ULK4: variants seen among roughly 807,000 people sequenced by gnomAD.
ULK4 encodes the protein unc-51 like kinase 4.
Under a neutral mutation model 160.6 loss-of-function variants are expected in ULK4, and 133 were observed. That is an observed-to-expected ratio of 0.83 (90% CI 0.72 to 0.96). The LOEUF is 0.96. Ranked by LOEUF, ULK4 falls within the 40% of genes least tolerant of loss-of-function variation. The pLI, the probability that ULK4 is intolerant of heterozygous loss-of-function variation, is 0.00. For missense variants in ULK4, 1,580 were observed against 1,499.5 expected (o/e 1.05, Z -0.89); for synonymous variants, 534 against 539.8 (o/e 0.99, Z 0.15).
chr3:41,638,766 T>C (rs1680750006), intron 30 of ULK4, among the ~76,000 whole-genome samples: 1 of 152,232 alleles, frequency 6.6e-6, no homozygotes, highest in East Asian at 1.9e-4. Flanking sequence ...GAAGATTTGC[T>C]GTTGAGACAT....
chr3:41,574,528 C>CTTTTTTTTTTTTTTTT lies in ULK4; in HGVS notation c.3121-8399_3121-8398insAAAAAAAAAAAAAAAA, dbSNP rs1559406622. 2.8e-5 allele frequency among the ~76,000 whole-genome samples: 3 copies of CTTTTTTTTTTTTTTTT among 106,286 alleles called. 1 individual carries two copies. The allele number at this position is 106,286 out of a possible 152,430, so 69.7% of individuals were successfully genotyped here. A position where few individuals can be genotyped will look rare whatever the true frequency, so the allele number is the denominator to read the frequency against. ...TCACCTCCACTACTGCTACCAGAGT[C>CTTTTTTTTTTTTTTTT]CTCTTTTTTTTTTTTTTTTTTTTTT... is the stretch of plus-strand genomic sequence containing the variant. On this transcript the variant is annotated intron_variant, in intron 31 of 36. Transcript: ENST00000301831.
At chr3:41,516,831 G>A (rs976143511) in intron 32 of ULK4, among the ~76,000 whole-genome samples, 4 of 152,160 alleles carry the variant, frequency 2.6e-5, no homozygotes, top group African/African-American at 9.6e-5. Flanking sequence ...GTGTGTAATT[G>A]GTTTGTTTGT....
At chr3:41,646,406 A>G (rs2034492506) in intron 30 of ULK4, among the ~76,000 whole-genome samples, 1 of 152,208 alleles carries the variant, frequency 6.6e-6, no homozygotes, top group Non-Finnish European at 1.5e-5. Flanking sequence ...AAAACCTGTC[A>G]GCATTTGCTT....
intron 32 of ULK4, among the ~76,000 whole-genome samples, chr3:41,524,816 T>C (rs931345083): frequency 6.6e-6 from 1 of 152,106 alleles, no homozygotes; most frequent in African/African-American, 2.4e-5. Flanking sequence ...CACGTGCCTG[T>C]AGTCCAAGCT....
rs184317932 is a variant in ULK4, at chr3:41,713,047, G to A, written c.2634+2190C>T. Among the ~76,000 whole-genome samples, 170 of 150,650 alleles carry A rather than the reference G, an allele frequency of 1.1e-3. 3 individuals carry two copies. In the East Asian group the frequency reaches 0.029, roughly 26 times the overall value. ...TGTTCTGTGGATTGGGCTACAGAACGTTCATAACTATGCATCCCCACCACT... is the reference window on the plus strand; with the variant it reads ...TGTTCTGTGGATTGGGCTACAGAACATTCATAACTATGCATCCCCACCACT... On this transcript the variant is annotated intron_variant, in intron 25 of 36. Coordinates refer to ENST00000301831, the MANE Select transcript of ULK4 (RefSeq NM_017886.4).
intron 18 of ULK4, among the ~76,000 whole-genome samples, chr3:41,833,286 GTTTTTTTTTTT>G (rs767254673): frequency 3.7e-5 from 4 of 109,518 alleles, no homozygotes; most frequent in African/African-American, 9.5e-5. Flanking sequence ...TTTTTTTTTT[GTTTTTTTTTTT>G]TTTGTTTGTT....
chr3:41,612,465 T>A (rs2032731857), intron 31 of ULK4, among the ~76,000 whole-genome samples: 1 of 152,150 alleles, frequency 6.6e-6, no homozygotes. Context: ...CACATCACTC[T>A]CTCCCTGCAA....
intron 32 of ULK4, among the ~76,000 whole-genome samples, chr3:41,475,582 T>G (rs1318454755): frequency 6.6e-6 from 1 of 152,140 alleles, no homozygotes; most frequent in Non-Finnish European, 1.5e-5. Context: ...CAATATCACT[T>G]TGTACCCCAT....
At chr3:41,558,158 T>C (rs979903902) in intron 32 of ULK4, among the ~76,000 whole-genome samples, 1 of 152,144 alleles carries the variant, frequency 6.6e-6, no homozygotes, top group Non-Finnish European at 1.5e-5. Flanking sequence ...GATACATGTA[T>C]AAAACTATTC....
chr3:41,921,969 C>T (rs930785120), intron 5 of ULK4, among the ~76,000 whole-genome samples: 1 of 152,008 alleles, frequency 6.6e-6, no homozygotes, highest in African/African-American at 2.4e-5. Context: ...GCCTGACCAA[C>T]ATGGACAAAC....
intron 17 of ULK4, among the ~76,000 whole-genome samples, chr3:41,848,986 C>T (rs2042139141): frequency 1.3e-5 from 2 of 152,162 alleles, no homozygotes; most frequent in African/African-American, 4.8e-5. Context: ...TGTATGTATT[C>T]CTATGTGCAA....
At chr3:41,851,727 C>T (rs13095498) in intron 17 of ULK4, among the ~76,000 whole-genome samples, 2 of 152,028 alleles carry the variant, frequency 1.3e-5, no homozygotes, top group South Asian at 2.1e-4. Context: ...TACCAGAATA[C>T]CTGGGACACA....
intron 34 of ULK4, among the ~76,000 whole-genome samples, chr3:41,409,971 T>C (rs954281601): frequency 1.4e-5 from 2 of 147,816 alleles, no homozygotes; most frequent in Non-Finnish European, 3.0e-5. Flanking sequence ...GAAAAGAAAA[T>C]GCAAATTAAA....
intron 17 of ULK4, among the ~76,000 whole-genome samples, chr3:41,878,647 G>A (rs1162902351): frequency 9.1e-6 from 1 of 110,384 alleles, no homozygotes; most frequent in African/African-American, 3.5e-5. Context: ...ACTACATGTA[G>A]ACAATAATCG....
At chr3:41,462,365 G>A (rs7628216) in intron 33 of ULK4, among the ~76,000 whole-genome samples, 85,000 of 151,952 alleles carry the variant, frequency 0.56, 24,285 homozygotes, top group African/African-American at 0.69. Context: ...GATTTTAAAT[G>A]TAACAATAAA....
intron 32 of ULK4, among the ~76,000 whole-genome samples, chr3:41,548,915 A>G (rs959526768): frequency 1.3e-5 from 2 of 152,184 alleles, no homozygotes; most frequent in African/African-American, 4.8e-5. Context: ...GCCACAGAGG[A>G]AATCACAGAT....
chr3:41,593,292 T>C (rs1311876623), intron 31 of ULK4, among the ~76,000 whole-genome samples: 3 of 152,338 alleles, frequency 2.0e-5, no homozygotes, highest in Middle Eastern at 3.4e-3. Flanking sequence ...AGAAGTGATG[T>C]GATAGGTCAC....
intron 30 of ULK4, among the ~76,000 whole-genome samples, chr3:41,636,188 G>A (rs1021447697): frequency 2.6e-5 from 4 of 152,158 alleles, no homozygotes; most frequent in African/African-American, 9.7e-5. Flanking sequence ...AGGAAATAAG[G>A]TTGTGCCTGT....
chr3:41,603,260 T>A (rs2032205060), intron 31 of ULK4, among the ~76,000 whole-genome samples: 1 of 151,998 alleles, frequency 6.6e-6, no homozygotes, highest in Non-Finnish European at 1.5e-5. Context: ...ATAATAAAAT[T>A]ATCATTTTGA....
Sources: allele counts gnomAD v4.1 joint callset (sites outside exome capture counted in the v4.1 genomes callset), GRCh38; gene constraint gnomAD v4.1.1; transcripts MANE v1.5; gene names NCBI Gene and HGNC (gene_info 2026-07-23, HGNC 2026-07-21).